TEF: variants seen among roughly 807,000 people sequenced by gnomAD.
The protein encoded by TEF is thyrotroph embryonic factor.
Under a neutral mutation model 20.8 loss-of-function variants are expected in TEF, and 3 were observed. The observed-to-expected ratio is 0.14, with a 90% CI of 0.07 to 0.37. The LOEUF is 0.37. Among genes scored for constraint, TEF ranks in the 10% least tolerant of loss-of-function variants. TEF has a pLI of 1.00. For missense variants in TEF, 296 were observed against 397.9 expected (o/e 0.74, Z 2.18); for synonymous variants, 180 against 171.1 (o/e 1.05, Z -0.41).
chr22:41,367,620 C>T (rs1471600874), intron 1 of TEF: 2 of 1,550,208 alleles, frequency 1.3e-6, no homozygotes, highest in East Asian at 2.4e-5. Context: ...AGGTGACCTG[C>T]ATTGATTGGC....
chr22:41,379,554 C>A (rs546058453), upstream of TEF, among the ~76,000 whole-genome samples: 1 of 150,988 alleles, frequency 6.6e-6, no homozygotes, highest in African/African-American at 2.4e-5. Flanking sequence ...AGAGCCTGCC[C>A]TAACTCCATT....
At chr22:41,370,930 TCAAA>T (rs1029936123) in intron 1 of TEF, among the ~76,000 whole-genome samples, 11 of 152,180 alleles carry the variant, frequency 7.2e-5, no homozygotes, top group African/African-American at 1.9e-4. Context: ...GGCCATGAGT[TCAAA>T]CAATTTCTCT....
chr22:41,387,410 GCTGTCTCAGC>G lies in TEF; in HGVS notation c.220_229del (p.Val74ProfsTer49). Reference sequence around the variant, plus strand: ...CGAGGCCGCAGCCGCCAGCACCATGGCTGTCTCAGCCTCCCTCATGCCACCCATCTGGGAC... The same window carrying G: ...CGAGGCCGCAGCCGCCAGCACCATGGCTCCCTCATGCCACCCATCTGGGAC... On this transcript the variant is annotated frameshift_variant, in exon 2 of 4. Transcript: ENST00000266304. LOFTEE classifies it high-confidence loss of function. 6.2e-7 allele frequency: 1 copy of G among 1,614,224 alleles called. No homozygotes were observed. The highest frequency in any genetic ancestry group is 8.5e-7 in the Non-Finnish European group (1 of 1,180,036).
In TEF at chr22:41,381,956, T is replaced by C. The variant is rs920656508; in HGVS notation, c.-89T>C. ...TGGGCGCCTGCGCAGTAGCTGCCCG[T>C]GTCGGCAGCTGCAGCGGGTCGCACG... On this transcript the variant is annotated 5_prime_UTR_variant, in exon 1 of 4. Transcript: ENST00000266304. 65 of 1,224,796 alleles carry C rather than the reference T, an allele frequency of 5.3e-5. No homozygotes were observed. Among genetic ancestry groups the C allele is most frequent in the Non-Finnish European group, 5.8e-5 (57 of 984,594 alleles). 75.9% of individuals were successfully genotyped at this position (1,224,796 alleles called of 1,614,324 possible). A position where few individuals can be genotyped will look rare whatever the true frequency, so the allele number is the denominator to read the frequency against.
upstream of TEF, among the ~76,000 whole-genome samples, chr22:41,380,859 G>T (rs957459916): frequency 1.3e-5 from 2 of 152,196 alleles, no homozygotes; most frequent in Non-Finnish European, 2.9e-5. Flanking sequence ...TGTCAAGGAG[G>T]TTTTTGTTTT....
upstream of TEF, among the ~76,000 whole-genome samples, chr22:41,379,548 C>T (rs963954183): frequency 6.6e-6 from 1 of 150,676 alleles, no homozygotes; most frequent in Admixed American, 6.6e-5. Context: ...TAAGGTAGAG[C>T]CTGCCCTAAC....
At chr22:41,382,754 T>C (rs1021484559) in intron 1 of TEF, among the ~76,000 whole-genome samples, 1 of 151,664 alleles carries the variant, frequency 6.6e-6, no homozygotes, top group African/African-American at 2.4e-5. Flanking sequence ...ACGGGAGCCT[T>C]TCTGTTGCGG....
intron 1 of TEF, among the ~76,000 whole-genome samples, chr22:41,369,723 A>T (rs898547371): frequency 1.3e-5 from 2 of 152,182 alleles, no homozygotes; most frequent in Non-Finnish European, 2.9e-5. Flanking sequence ...CCATGTACTT[A>T]AGTAGTTGTT....
chr22:41,396,010 C>T lies in TEF; in HGVS notation c.*50C>T, dbSNP rs774286590. 6.4e-7 allele frequency: 1 copy of T among 1,572,282 alleles called. No individual in the cohort carries two copies. Among genetic ancestry groups the T allele is most frequent in the Non-Finnish European group, 8.7e-7 (1 of 1,151,476 alleles). On this transcript the variant is annotated 3_prime_UTR_variant, in exon 4 of 4. Transcript: ENST00000266304. The stretch of plus-strand genomic sequence containing the variant: ...TACTGCCTGCACCTCAGACCTCTGC[C>T]TGGGGGCTCCCTGTAACCCCTCACA...
chr22:41,382,788 G>GT (rs2037051450), intron 1 of TEF: 1 of 410,570 alleles, frequency 2.4e-6, no homozygotes, highest in African/African-American at 2.1e-5. Context: ...CGGGTGGGGG[G>GT]GGTGTGGGCG....
chr22:41,370,122 T>TC, intron 1 of TEF: 1 of 832,000 alleles, frequency 1.2e-6, no homozygotes, highest in African/African-American at 2.0e-5. Flanking sequence ...CTTTCCCCCT[T>TC]TTTTTTTTTT....
upstream of TEF, among the ~76,000 whole-genome samples, chr22:41,379,926 G>GA (rs150182009): frequency 0.19 from 27,328 of 146,214 alleles, 3,636 homozygotes; most frequent in Admixed American, 0.38. Flanking sequence ...GAAAAGAAAA[G>GA]AAAAGAAAAT....
At chr22:41,370,155 G>A (rs558349155) in intron 1 of TEF, 47 of 954,750 alleles carry the variant, frequency 4.9e-5, no homozygotes, top group Middle Eastern at 5.4e-4. Flanking sequence ...TTGCTCTATC[G>A]CCAGGCTGGA....
intron 1 of TEF, among the ~76,000 whole-genome samples, chr22:41,375,232 G>C (rs922241586): frequency 3.3e-5 from 5 of 152,142 alleles, no homozygotes; most frequent in African/African-American, 1.2e-4. Context: ...GAGTACTGAC[G>C]AGGAGGGCAA....
In TEF at chr22:41,397,492, G is replaced by A. The variant is rs968706567; in HGVS notation, c.*1532G>A. 6.0e-5 allele frequency: 10 copies of A among 166,838 alleles called. No homozygotes were observed. Among genetic ancestry groups the A allele is most frequent in the Non-Finnish European group, 1.3e-4 (10 of 77,792 alleles). The allele number at this position is 166,838 out of a possible 1,614,324, so 10.3% of individuals were successfully genotyped here. On this transcript the variant is annotated 3_prime_UTR_variant, in exon 4 of 4. Transcript: ENST00000266304. The stretch of plus-strand genomic sequence containing the variant: ...CTCCGTAACACTGGCTTTATTTACC[G>A]TGGTGGTTCAGAGTCCCAGGCCCTG...
chr22:41,387,058 A>G (rs2037106397), intron 1 of TEF, among the ~76,000 whole-genome samples: 1 of 152,176 alleles, frequency 6.6e-6, no homozygotes, highest in African/African-American at 2.4e-5. Flanking sequence ...AATAAAAACT[A>G]AAATAAAATT....
At chr22:41,379,893 C>CAA (rs1221059649), upstream of TEF, among the ~76,000 whole-genome samples, 5 of 45,116 alleles carry the variant, frequency 1.1e-4, no homozygotes, top group East Asian at 5.8e-4. Flanking sequence ...AACTCCGTCT[C>CAA]AAAAAAAAAA....
intron 3 of TEF, among the ~76,000 whole-genome samples, chr22:41,395,081 A>G (rs2037211184): frequency 6.6e-6 from 1 of 152,124 alleles, no homozygotes; most frequent in Non-Finnish European, 1.5e-5. Flanking sequence ...ATCTCGGCTC[A>G]CTGCAACTTC....
At chr22:41,367,665 C>T in intron 1 of TEF, 1 of 1,488,362 alleles carries the variant, frequency 6.7e-7, no homozygotes, top group African/African-American at 1.4e-5. Flanking sequence ...GGGGCAGCCA[C>T]AGGCACAGTG....
Sources: allele counts gnomAD v4.1 joint callset (sites outside exome capture counted in the v4.1 genomes callset), GRCh38; gene constraint gnomAD v4.1.1; transcripts MANE v1.5; gene names NCBI Gene and HGNC (gene_info 2026-07-23, HGNC 2026-07-21).